SMG6: variants seen among roughly 807,000 people sequenced by gnomAD.
SMG6 encodes telomerase-binding protein EST1A.
A neutral mutation model predicts 142.2 loss-of-function variants in SMG6; 66 were observed. The observed-to-expected ratio is 0.46, with a 90% CI of 0.38 to 0.57. The LOEUF (loss-of-function observed/expected upper bound fraction) is 0.57. SMG6 is among the 20% of genes least tolerant of loss of function. The pLI, the probability that SMG6 is intolerant of heterozygous loss-of-function variation, is 0.00. For missense variants in SMG6, 1,793 were observed against 1,832.0 expected (o/e 0.98, Z 0.39); for synonymous variants, 779 against 702.4 (o/e 1.11, Z -1.72).
At chr17:2,094,040 C>A (rs900459353) in intron 13 of SMG6, among the ~76,000 whole-genome samples, 1 of 152,182 alleles carries the variant, frequency 6.6e-6, no homozygotes, top group Non-Finnish European at 1.5e-5. Context: ...CCGGACCTAA[C>A]CATAGGTATG....
rs571861029 is a variant in SMG6 at position 2,210,518 on chromosome 17, C to T, written c.2870-22003G>A. ...CCAAAGTTCATGAAAAAGATCAGGGCAGTAAAGAAATTTTGCGAGGGTGCA... is the reference window on the plus strand; with the variant it reads ...CCAAAGTTCATGAAAAAGATCAGGGTAGTAAAGAAATTTTGCGAGGGTGCA... On this transcript the variant is annotated intron_variant, in intron 10 of 18. Transcript: ENST00000263073. Among the ~76,000 whole-genome samples the T allele has an allele frequency of 5.6e-4, 85 of 151,588 alleles. 1 individual carries two copies. The highest frequency in any genetic ancestry group is 3.4e-3 in the Middle Eastern group (1 of 294).
chr17:2,261,313 CAA>C (rs58928595), intron 8 of SMG6, among the ~76,000 whole-genome samples: 26 of 134,312 alleles, frequency 1.9e-4, no homozygotes, highest in Admixed American at 3.0e-4. Context: ...GACTCCGTCT[CAA>C]AAAAAAAAAA....
At chr17:2,170,504 C>T (rs914352164) in intron 13 of SMG6, among the ~76,000 whole-genome samples, 20 of 152,252 alleles carry the variant, frequency 1.3e-4, no homozygotes, top group African/African-American at 3.9e-4. Flanking sequence ...CCATGTCATC[C>T]AGTCTCTCTT....
rs190263409 is a variant in SMG6, at chr17:2,259,184, T to G, written c.2662-14465A>C. 2.7e-5 allele frequency among the ~76,000 whole-genome samples: 4 copies of G among 150,760 alleles called. No individual in the cohort carries two copies. In the East Asian group the frequency reaches 7.8e-4, roughly 29 times the overall value. ...AGCCCCAAACAAAACCCACCAATGG[T>G]TTCAGCTTTCTTTCACCGAGAGACC... is the stretch of plus-strand genomic sequence containing the variant. On this transcript the variant is annotated intron_variant, in intron 8 of 18. Coordinates refer to ENST00000263073, the MANE Select transcript of SMG6 (RefSeq NM_017575.5).
At position 2,282,761 on chromosome 17, in the gene SMG6, G is replaced by A. The variant is rs775205012; in HGVS notation, c.2547C>T (p.Asp849=). The A allele has an allele frequency of 6.8e-6, 11 of 1,614,082 alleles. No individual in the cohort carries two copies. The East Asian group carries it at 2.0e-4, about 29-fold the overall frequency. Residue 849 remains aspartate (D), a synonymous_variant, in exon 8 of 19, where the codon GAC becomes GAT. Coordinates refer to ENST00000263073, the MANE Select transcript of SMG6 (RefSeq NM_017575.5). ...GAATCCAGATCTCCAGGCGAGTGGT[G>A]TCATCTCCAACATGCCGGAAAGTAG... ...KKSTFRHVGD[D]TTRLEIWIHP... is the part of the protein sequence containing the mutation.
intron 18 of SMG6, among the ~76,000 whole-genome samples, chr17:2,064,334 T>C (rs1253363346): frequency 6.6e-6 from 1 of 151,898 alleles, no homozygotes; most frequent in Admixed American, 6.5e-5. Context: ...CATTGACCTG[T>C]GGGGTGAGGC....
Position 2,186,562 on chromosome 17 carries a change from G to T in SMG6, c.3155+101C>A, listed in dbSNP as rs937480971. ...TAAAGAAGAAATAGAGAGGCAGGCA[G>T]GCTGTGGGCAGAAAGAAACAGAGCA... On this transcript the variant is annotated intron_variant, in intron 12 of 18. Coordinates refer to ENST00000263073, the MANE Select transcript of SMG6 (RefSeq NM_017575.5). 7 of 1,331,198 alleles carry T rather than the reference G, an allele frequency of 5.3e-6. No homozygotes were observed. In the African/African-American group the frequency reaches 1.0e-4, roughly 20 times the overall value. The allele number at this position is 1,331,198 out of a possible 1,614,324, so 82.5% of individuals were successfully genotyped here.
At chr17:2,190,373 T>G (rs576804347) in intron 10 of SMG6, among the ~76,000 whole-genome samples, 5 of 152,250 alleles carry the variant, frequency 3.3e-5, no homozygotes, top group African/African-American at 1.2e-4. Flanking sequence ...CTAGAAGGGA[T>G]GGAGGGGGGT....
At position 2,300,005 on chromosome 17, in the gene SMG6, G is replaced by C. The variant is rs1472771708; in HGVS notation, c.748C>G (p.Arg250Gly). ...SAKRYSRSDK[R>G]RNRYRTRSTS... ...CTGCGCGTGCGGTAGCGATTCCTTC[G>C]TTTGTCTGAGCGGGAGTAGCGCTTT... is the stretch of plus-strand genomic sequence containing the variant. Residue 250 changes from arginine (R) to glycine (G), a missense_variant, in exon 2 of 19, where the codon CGA becomes GGA. Physicochemically the swap from Arg to Gly is moderately radical, Grantham distance 125. Coordinates refer to ENST00000263073, the MANE Select transcript of SMG6 (RefSeq NM_017575.5). 1 of 1,614,162 alleles carries C rather than the reference G, an allele frequency of 6.2e-7. No individual in the cohort carries two copies.
intron 13 of SMG6, among the ~76,000 whole-genome samples, chr17:2,144,665 C>T (rs1355994097): frequency 6.6e-6 from 1 of 152,144 alleles, no homozygotes; most frequent in African/African-American, 2.4e-5. Flanking sequence ...CTTGTCTTTG[C>T]TTCTGCGGGT....
chr17:2,264,944 T>C (rs1026935749), intron 8 of SMG6, among the ~76,000 whole-genome samples: 4 of 151,864 alleles, frequency 2.6e-5, no homozygotes, highest in Admixed American at 6.6e-5. Flanking sequence ...TATTCCACCC[T>C]ACTGAAAACT....
chr17:2,219,079 T>TA (rs1385027604), intron 10 of SMG6, among the ~76,000 whole-genome samples: 1 of 152,156 alleles, frequency 6.6e-6, no homozygotes, highest in Non-Finnish European at 1.5e-5. Context: ...CCAAAGACTG[T>TA]AAAAAATTTA....
chr17:2,103,954 CT>C lies in SMG6; in HGVS notation c.3358-18054del, dbSNP rs572734238. Among the ~76,000 whole-genome samples, 1,322 of 141,658 alleles carry C rather than the reference CT, an allele frequency of 9.3e-3. 7 individuals are homozygous for C. The highest frequency in any genetic ancestry group is 0.017 in the South Asian group (76 of 4,492). The allele number at this position is 141,658 out of a possible 152,430, so 92.9% of individuals were successfully genotyped here. A position where few individuals can be genotyped will look rare whatever the true frequency, so the allele number is the denominator to read the frequency against. ...CCAGGAGAATCACCATCAACACATT[CT>C]TTTTTTTTTTTTTTCAGTTGGAATC... On this transcript the variant is annotated intron_variant, in intron 13 of 18. Transcript: ENST00000263073.
chr17:2,273,541 G>C (rs1452826844), intron 8 of SMG6, among the ~76,000 whole-genome samples: 1 of 152,218 alleles, frequency 6.6e-6, no homozygotes, highest in African/African-American at 2.4e-5. Flanking sequence ...GCTGAGGCAG[G>C]AGAATCGTTT....
At chr17:2,091,961 C>T (rs376514642) in intron 13 of SMG6, among the ~76,000 whole-genome samples, 4 of 151,442 alleles carry the variant, frequency 2.6e-5, no homozygotes, top group African/African-American at 4.8e-5. Context: ...GGATTACAGG[C>T]GTGAGCCACT....
chr17:2,183,745 G>GAC (rs56210030), intron 12 of SMG6, among the ~76,000 whole-genome samples: 1,719 of 146,388 alleles, frequency 0.012, 18 homozygotes, highest in African/African-American at 0.022. Flanking sequence ...AGGTGCGTGC[G>GAC]ACACACACAC....
intron 8 of SMG6, among the ~76,000 whole-genome samples, chr17:2,252,195 C>T (rs1399911859): frequency 2.0e-5 from 3 of 152,094 alleles, no homozygotes; most frequent in African/African-American, 7.2e-5. Flanking sequence ...GGGCAGATCA[C>T]GAGGTCAAGA....
At chr17:2,200,730 G>A (rs1351558175) in intron 10 of SMG6, among the ~76,000 whole-genome samples, 1 of 152,100 alleles carries the variant, frequency 6.6e-6, no homozygotes, top group East Asian at 1.9e-4. Context: ...TTATGAATGA[G>A]ACAGGCTCTC....
At chr17:2,119,455 T>C (rs966168301) in intron 13 of SMG6, among the ~76,000 whole-genome samples, 29 of 151,970 alleles carry the variant, frequency 1.9e-4, no homozygotes, top group African/African-American at 6.3e-4. Flanking sequence ...CAGCCTTCCA[T>C]AGTGCTGGGA....
Sources: gnomAD v4.1 joint callset for allele counts (sites outside exome capture counted in the v4.1 genomes callset) on GRCh38, gnomAD v4.1.1 for gene constraint, MANE v1.5 for transcripts, NCBI Gene and HGNC (gene_info 2026-07-23, HGNC 2026-07-21) for gene names.